Variants in EP300 observed in about 807,000 individuals in gnomAD.
EP300 encodes histone acetyltransferase p300.
EP300 carries 31 observed loss-of-function variants against 264.0 expected under a neutral mutation model. That is an observed-to-expected ratio of 0.12 (90% CI 0.09 to 0.16). The LOEUF is 0.16. Among genes scored for constraint, EP300 ranks in the 10% least tolerant of loss-of-function variants. The pLI, the probability that EP300 is intolerant of heterozygous loss-of-function variation, is 1.00. For missense variants in EP300, 2,766 were observed against 3,052.9 expected (o/e 0.91, Z 2.21); for synonymous variants, 1,340 against 1,045.4 (o/e 1.28, Z -5.44).
intron 1 of EP300, among the ~76,000 whole-genome samples, chr22:41,110,667 G>A (rs1054339238): frequency 6.6e-6 from 1 of 151,980 alleles, no homozygotes; most frequent in Non-Finnish European, 1.5e-5. Flanking sequence ...GCCTTCCAAC[G>A]TACTAGGATT....
chr22:41,175,957 C>A, intron 29 of EP300: 2 of 450,824 alleles, frequency 4.4e-6, no homozygotes, highest in East Asian at 8.9e-5. Context: ...TACCTGCTCA[C>A]ACCTGTAATC....
rs1425934652 is a variant in EP300 at position 41,160,714 on chromosome 22, G to T, written c.3663G>T (p.Gln1221His). Residue 1221 changes from glutamine to histidine, a missense_variant, in exon 20 of 31, where the codon CAG (glutamine) becomes CAT (histidine). Physicochemically the swap from Gln to His is conservative, Grantham distance 24. Transcript: ENST00000263253. ...ESVSLGDDPS[Q>H]PQTTINKEQF... ...TTTCTTTGGGGGATGACCCTTCCCA[G>T]CCTCAAACGTAAGTAACTGCATTAT... 1.2e-6 allele frequency: 2 copies of T among 1,613,844 alleles called. No individual in the cohort carries two copies. Among genetic ancestry groups the T allele is most frequent in the Non-Finnish European group, 1.7e-6 (2 of 1,179,860 alleles).
In EP300 at chr22:41,092,709, C is replaced by G; in HGVS notation, c.-296C>G. The G allele has an allele frequency of 8.1e-6, 5 of 616,028 alleles. No individual in the cohort carries two copies. The highest frequency in any genetic ancestry group is 1.2e-5 in the Non-Finnish European group (4 of 339,776). 38.2% of individuals were successfully genotyped at this position (616,028 alleles called of 1,614,324 possible). Reference sequence around the variant, plus strand: ...GCCGGGGACTGCGCCTCTAGAGCCGCGAGTTCTCGGGAATTCGCCGCAGCG... The same window carrying G: ...GCCGGGGACTGCGCCTCTAGAGCCGGGAGTTCTCGGGAATTCGCCGCAGCG... On this transcript the variant is annotated 5_prime_UTR_variant, in exon 1 of 31. Transcript: ENST00000263253.
intron 30 of EP300, 46 bp from the exon 31 acceptor site, chr22:41,176,727 A>G: frequency 6.2e-7 from 1 of 1,613,464 alleles, no homozygotes; most frequent in Non-Finnish European, 8.5e-7. Flanking sequence ...CTTTTGAATG[A>G]CTTAAATCTT....
chr22:41,169,563 T>G lies in EP300; in HGVS notation c.4233T>G (p.Thr1411=). 1 of 1,610,564 alleles carries G rather than the reference T, an allele frequency of 6.2e-7. No homozygotes were observed. Among genetic ancestry groups the G allele is most frequent in the Non-Finnish European group, 8.5e-7 (1 of 1,178,488 alleles). The change falls in exon 26 of 31, where the codon ACT becomes ACG. Residue 1411 remains threonine, a synonymous_variant. Transcript: ENST00000263253. ...VHFFRPKCLR[T]AVYHEILIGY... ...TCTTCCGTCCTAAATGCTTGAGGACTGCAGTCTATCATGAAATCCTAATTG... is the reference window on the plus strand; with the variant it reads ...TCTTCCGTCCTAAATGCTTGAGGACGGCAGTCTATCATGAAATCCTAATTG...
chr22:41,137,174 C>T (rs2058955862), intron 7 of EP300, among the ~76,000 whole-genome samples: 1 of 151,818 alleles, frequency 6.6e-6, no homozygotes, highest in Non-Finnish European at 1.5e-5. Context: ...GCCTAGCCAA[C>T]ATGATGAAAC....
intron 1 of EP300, among the ~76,000 whole-genome samples, chr22:41,106,216 A>G (rs5751043): frequency 0.041 from 6,268 of 152,294 alleles, 429 homozygotes; most frequent in East Asian, 0.21. Context: ...TTAAAATTTC[A>G]TGCTTTTTAA....
intron 4 of EP300, among the ~76,000 whole-genome samples, chr22:41,128,660 T>A (rs1601605355): frequency 6.6e-6 from 1 of 151,744 alleles, no homozygotes; most frequent in African/African-American, 2.4e-5. Flanking sequence ...GGCAGGCGCC[T>A]ACCACCATGC....
At chr22:41,152,489 TTCA>T in intron 16 of EP300, 139 bp downstream of exon 16, 1 of 922,340 alleles carries the variant, frequency 1.1e-6, no homozygotes, top group Non-Finnish European at 1.6e-6. Flanking sequence ...GCCTGGTCTC[TTCA>T]TTGTTACTAA....
intron 3 of EP300, among the ~76,000 whole-genome samples, chr22:41,127,278 A>C (rs980159644): frequency 5.9e-5 from 9 of 151,994 alleles, no homozygotes; most frequent in African/African-American, 2.2e-4. Flanking sequence ...ATACATACTT[A>C]TATCACTTCG....
At chr22:41,104,037 C>T (rs2058745228) in intron 1 of EP300, among the ~76,000 whole-genome samples, 1 of 152,162 alleles carries the variant, frequency 6.6e-6, no homozygotes, top group African/African-American at 2.4e-5. Context: ...ACCATTCACT[C>T]TCCTTGTTAT....
rs886057550 is a variant in EP300 at position 41,092,642 on chromosome 22, A to C, written c.-363A>C. 1 of 627,650 alleles carries C rather than the reference A, an allele frequency of 1.6e-6. No homozygotes were observed. Among genetic ancestry groups the C allele is most frequent in the Non-Finnish European group, 2.9e-6 (1 of 346,606 alleles). The allele number at this position is 627,650 out of a possible 1,614,324, so 38.9% of individuals were successfully genotyped here. On this transcript the variant is annotated 5_prime_UTR_variant, in exon 1 of 31. Transcript: ENST00000263253. ...AGGAAGAGGTTGATGGCGGCGGCGG[A>C]GCTCCGAGAGACCTCGGCTGGGCAG...
At chr22:41,121,867 C>T (rs1242873551) in intron 2 of EP300, among the ~76,000 whole-genome samples, 1 of 152,076 alleles carries the variant, frequency 6.6e-6, no homozygotes, top group East Asian at 1.9e-4. Context: ...GTTTGTCATG[C>T]GGGTTCTGTG....
chr22:41,117,433 G>T lies in EP300; in HGVS notation c.341G>T (p.Gly114Val), dbSNP rs2145696804. The change falls in exon 2 of 31, where the codon GGA becomes GTA. Residue 114 changes from glycine (G) to valine (V), a missense_variant. By Grantham distance (109) the Gly-to-Val change is moderately radical. Transcript: ENST00000263253. ...AGCCAGGCCCAACAGAGCAGTCCTG[G>T]ATTAGGTTTGATAAATAGCATGGTC... ...MASQAQQSSPGLGLINSMVKS... is the reference protein window; with the variant it reads ...MASQAQQSSPVLGLINSMVKS... The T allele has an allele frequency of 6.2e-7, 1 of 1,614,198 alleles. No individual in the cohort carries two copies. Among genetic ancestry groups the T allele is most frequent in the African/African-American group, 1.3e-5 (1 of 75,064 alleles).
chr22:41,108,829 C>G (rs1330251493), intron 1 of EP300, among the ~76,000 whole-genome samples: 4 of 152,138 alleles, frequency 2.6e-5, no homozygotes, highest in Admixed American at 1.3e-4. Context: ...TCCTTCATTT[C>G]AACAGTCATT....
rs2058973518 is a variant in EP300, at chr22:41,140,136, C to T, written c.1761-4C>T. ...ATTACAGTGGTAGGATTTTCTTTTT[C>T]CAGCGTCCAAGCCATATTTCCTACG... On this transcript the variant is annotated splice_region_variant and splice_polypyrimidine_tract_variant and intron_variant, in intron 8 of 30. Transcript: ENST00000263253. 9 of 1,607,730 alleles carry T rather than the reference C, an allele frequency of 5.6e-6. No individual in the cohort carries two copies. The highest frequency in any genetic ancestry group is 7.7e-6 in the Non-Finnish European group (9 of 1,174,294).
intron 22 of EP300, among the ~76,000 whole-genome samples, chr22:41,165,786 TTTAA>T (rs1263016679): frequency 1.3e-5 from 2 of 152,142 alleles, no homozygotes; most frequent in Non-Finnish European, 2.9e-5. Flanking sequence ...CATAGACTTT[TTTAA>T]TTGAGTCTCA....
intron 18 of EP300, among the ~76,000 whole-genome samples, chr22:41,157,877 G>T (rs887345124): frequency 1.2e-4 from 18 of 152,018 alleles, no homozygotes; most frequent in Admixed American, 9.8e-4. Flanking sequence ...ATATGAAATG[G>T]GCTTTCTTTA....
chr22:41,169,734 G>A (rs967177849), intron 26 of EP300, 118 bp downstream of exon 26: 19 of 686,878 alleles, frequency 2.8e-5, no homozygotes, highest in Non-Finnish European at 3.6e-5. Context: ...TAGTTCTTAC[G>A]TAACAATTCT....
Sources: allele counts gnomAD v4.1 joint callset (sites outside exome capture counted in the v4.1 genomes callset), GRCh38; gene constraint gnomAD v4.1.1; transcripts MANE v1.5; gene names NCBI Gene and HGNC (gene_info 2026-07-23, HGNC 2026-07-21).